Variants in SSR4 observed in about 807,000 individuals in gnomAD.
The protein encoded by SSR4 is signal sequence receptor subunit 4, also known as translocon-associated protein subunit delta.
For missense variants in SSR4, 125 were observed against 148.8 expected, an observed-to-expected ratio of 0.84 and a Z score of 0.83; for synonymous variants, 84 against 65.6, an observed-to-expected ratio of 1.28 and a Z score of -1.35.
chrX:153,797,982 G>T, intron 4 of SSR4, 89 bp from the exon 5 acceptor site: 1 of 974,490 alleles, frequency 1.0e-6, no homozygotes, highest in South Asian at 2.0e-5. Flanking sequence ...GGCTTGGGCC[G>T]GTGTTCCTAC....
At chrX:153,795,689 A>C in intron 1 of SSR4, 2 of 754,960 alleles carry the variant, frequency 2.6e-6, no homozygotes, top group Non-Finnish European at 3.1e-6. Flanking sequence ...GTCCAGACCC[A>C]GAGCCTTCTC....
chrX:153,794,412 G>T (rs2092124950), upstream of SSR4: 3 of 1,139,170 alleles, frequency 2.6e-6, no homozygotes, highest in African/African-American at 1.8e-5. Flanking sequence ...TCGGGGACAG[G>T]CGCGGACCCG....
At chrX:153,794,796 C>G (rs782222222) in intron 1 of SSR4, 42 bp downstream of exon 1, 1 of 1,192,412 alleles carries the variant, frequency 8.4e-7, no homozygotes, top group South Asian at 1.8e-5. Context: ...AGCCTCTGAC[C>G]CACGGCAGGT....
rs1557073146 is a variant in SSR4 at position 153,798,082 on chromosome X, T to C, written c.363T>C (p.Asn121=). 9.7e-7 allele frequency: 1 copy of C among 1,031,529 alleles called. No individual in the cohort carries two copies. Among genetic ancestry groups the C allele is most frequent in the South Asian group, 1.8e-5 (1 of 54,677 alleles). The allele number at this position is 1,031,529 out of a possible 1,213,427, so 85.0% of individuals were successfully genotyped here. The change falls in exon 5 of 6, where the codon AAT becomes AAC. Residue 121 remains asparagine (N), a synonymous_variant. Coordinates refer to ENST00000370086, the MANE Select transcript of SSR4 (RefSeq NM_006280.3). ...SYSLLRKAQR[N]NEDISIIPPL... is the part of the protein sequence containing the mutation. ...CACCTCCCTTGCAGGCTCAGAGGAA[T>C]AACGAGGACATTTCCATCATCCCGC...
intron 2 of SSR4, 31 bp downstream of exon 2, chrX:153,796,583 G>A (rs376860527): frequency 2.1e-5 from 22 of 1,025,175 alleles, no homozygotes; most frequent in African/African-American, 1.3e-4. Context: ...ACAGGAGGGC[G>A]GGTGGGGGGT....
upstream of SSR4, chrX:153,794,638 C>T (rs2092127708): frequency 2.5e-6 from 3 of 1,210,761 alleles, no homozygotes; most frequent in East Asian, 5.9e-5. Flanking sequence ...TCGTTTGCCC[C>T]TCGTGTTCAT....
intron 1 of SSR4, chrX:153,795,616 G>A (rs1157268030): frequency 2.7e-6 from 2 of 740,872 alleles, no homozygotes; most frequent in Admixed American, 8.7e-5. Flanking sequence ...GACACAGAAG[G>A]GCTGGCGGGA....
In SSR4 at chrX:153,796,232, C is replaced by G. The variant is rs187546667; in HGVS notation, c.68-202C>G. 56 of 418,213 alleles carry G rather than the reference C, an allele frequency of 1.3e-4. No homozygotes were observed. In the East Asian group the frequency reaches 2.1e-3, roughly 16 times the overall value. 34.5% of individuals were successfully genotyped at this position (418,213 alleles called of 1,213,427 possible). On this transcript the variant is annotated intron_variant, in intron 1 of 5. Coordinates refer to ENST00000370086, the MANE Select transcript of SSR4 (RefSeq NM_006280.3). The stretch of plus-strand genomic sequence containing the variant: ...GCCGGCCTTGCCCCTCCCCAGCCTT[C>G]CTTCACAGCCATCCCGCCTACGTTG...
chrX:153,797,112 C>T (rs1380612139), intron 2 of SSR4: 1 of 268,412 alleles, frequency 3.7e-6, no homozygotes, highest in Admixed American at 5.6e-5. Flanking sequence ...GTAAAGCACC[C>T]CTTGGGCAGC....
At chrX:153,798,000 T>TGCCCCCCCCCCC in intron 4 of SSR4, 71 bp from the exon 5 acceptor site, 2 of 703,987 alleles carry the variant, frequency 2.8e-6, no homozygotes, top group Non-Finnish European at 4.5e-6. Flanking sequence ...TACCTGTCTT[T>TGCCCCCCCCCCC]CCCCTCCCCT....
rs782670730 is a variant in SSR4, at chrX:153,796,446, T to C, written c.80T>C (p.Leu27Pro). 2.7e-5 allele frequency: 32 copies of C among 1,207,350 alleles called. No individual in the cohort carries two copies. The highest frequency in any genetic ancestry group is 3.5e-5 in the Non-Finnish European group (31 of 892,413). ...SLSRCSAEAC[L>P]EPQITPSYYT... Reference sequence around the variant, plus strand: ...CTCTTCCCCGCAGCCGAGGCCTGCCTGGAGCCCCAGATCACCCCTTCCTAC... The same window carrying C: ...CTCTTCCCCGCAGCCGAGGCCTGCCCGGAGCCCCAGATCACCCCTTCCTAC... Residue 27 changes from leucine to proline, a missense_variant, in exon 2 of 6, where the codon CTG becomes CCG. Leu to Pro is a moderately conservative substitution (Grantham distance 98). Transcript: ENST00000370086.
intron 1 of SSR4, chrX:153,796,166 C>T (rs1216459149): frequency 2.7e-6 from 1 of 366,905 alleles, no homozygotes; most frequent in Admixed American, 4.8e-5. Context: ...AATCCAGCCC[C>T]CACCTGTCCC....
intron 1 of SSR4, 91 bp downstream of exon 1, chrX:153,794,845 C>A: frequency 9.5e-7 from 1 of 1,051,780 alleles, no homozygotes; most frequent in South Asian, 2.2e-5. Context: ...TCCGGCCTTT[C>A]AGGGTCCGTC....
chrX:153,794,723 G>A lies in SSR4; in HGVS notation c.36G>A (p.Leu12=). 8.3e-7 allele frequency: 1 copy of A among 1,211,971 alleles called. No homozygotes were observed. Among genetic ancestry groups the A allele is most frequent in the Non-Finnish European group, 1.1e-6 (1 of 895,503 alleles). The part of the protein sequence containing the change: ...AAMASLGALA[L]LLLSSLSRCS... ...TGGCATCTCTCGGCGCCCTGGCGCT[G>A]CTCCTGCTGTCCAGCCTCTCCCGCT... Residue 12 remains leucine, a synonymous_variant, in exon 1 of 6, where the codon CTG becomes CTA. Transcript: ENST00000370086.
chrX:153,794,232 C>T, upstream of SSR4: 9 of 1,180,537 alleles, frequency 7.6e-6, no homozygotes, highest in Non-Finnish European at 1.0e-5. Context: ...TCCCGTGGCT[C>T]TTTCCCTGCT....
upstream of SSR4, chrX:153,794,482 C>T: frequency 8.7e-7 from 1 of 1,152,578 alleles, no homozygotes; most frequent in African/African-American, 1.8e-5. Context: ...TAGAGCACCG[C>T]TGCCGCCATG....
chrX:153,794,951 G>A (rs2092130405), intron 1 of SSR4, 197 bp downstream of exon 1: 2 of 482,471 alleles, frequency 4.1e-6, no homozygotes, highest in Admixed American at 8.1e-5. Flanking sequence ...GCTTTTCCTT[G>A]TCTGCCCATA....
intron 2 of SSR4, 149 bp from the exon 3 acceptor site, chrX:153,797,309 A>C (rs2092147537): frequency 2.1e-6 from 1 of 487,582 alleles, no homozygotes; most frequent in Non-Finnish European, 3.7e-6. Flanking sequence ...GGGATTGGTG[A>C]GTGTTACTTG....
chrX:153,795,956 G>T, intron 1 of SSR4: 2 of 532,075 alleles, frequency 3.8e-6, no homozygotes, highest in Non-Finnish European at 4.6e-6. Flanking sequence ...TTCACCTTCT[G>T]TCAACTGGCC....
Sources: allele counts gnomAD v4.1 joint callset, GRCh38; gene constraint gnomAD v4.1.1; transcripts MANE v1.5; gene names NCBI Gene and HGNC (gene_info 2026-07-23, HGNC 2026-07-21).